APOOL: variants seen among roughly 807,000 people sequenced by gnomAD.
The protein encoded by APOOL is MICOS complex subunit MIC27.
In APOOL, 12 loss-of-function variants were observed where a neutral mutation model predicts 23.1. That is an observed-to-expected ratio of 0.52 (90% CI 0.33 to 0.84). The LOEUF is 0.84. Ranked by LOEUF, APOOL falls within the 40% of genes least tolerant of loss-of-function variation. APOOL has a pLI of 0.02. For synonymous variants in APOOL, 77 were observed against 69.9 expected (o/e 1.10, Z -0.51); for missense variants, 212 against 199.6 (o/e 1.06, Z -0.37).
chrX:85,057,970 A>G (rs1408624824), intron 5 of APOOL, among the ~76,000 whole-genome samples: 1 of 111,453 alleles, frequency 9.0e-6, no homozygotes, highest in Non-Finnish European at 1.9e-5. Context: ...TGTCAGAGCT[A>G]GAATAATCTA....
intron 3 of APOOL, 22 bp from the exon 4 acceptor site, chrX:85,054,321 TC>T: frequency 2.6e-6 from 3 of 1,169,612 alleles, no homozygotes; most frequent in Non-Finnish European, 3.4e-6. Flanking sequence ...GCAGATGTCT[TC>T]CCCCCCTTTT....
intron 8 of APOOL, among the ~76,000 whole-genome samples, chrX:85,075,928 A>G (rs1923822253): frequency 8.9e-6 from 1 of 111,826 alleles, no homozygotes; most frequent in South Asian, 3.8e-4. Context: ...TATAAACAAC[A>G]GAAATTTATT....
At position 85,092,370 on chromosome X, in the gene APOOL, T is replaced by A. The variant is rs1202554363; in HGVS notation, c.*4692T>A. ...TCAAATGTTGGAGGCTGTGTTGGGATGAGTTGTTACAAAGCCTCTTTCATT... is the reference window on the plus strand; with the variant it reads ...TCAAATGTTGGAGGCTGTGTTGGGAAGAGTTGTTACAAAGCCTCTTTCATT... On this transcript the variant is annotated 3_prime_UTR_variant, in exon 9 of 9. Transcript: ENST00000373173. 8.7e-7 allele frequency: 1 copy of A among 1,155,865 alleles called. No individual in the cohort carries two copies.
At position 85,074,288 on chromosome X, in the gene APOOL, C is replaced by G. The variant is rs374210132; in HGVS notation, c.615C>G (p.Ser205=). Residue 205 remains serine (S), a synonymous_variant, in exon 8 of 9, where the codon TCC becomes TCG. Transcript: ENST00000373173. ...TTGGTAAACAGCTAGGATCCTCTTC[C>G]GAAATAGAAGTACCTGCAAAAACAA... ...PKEKTKLGSS[S]EIEVPAKTTH... The G allele has an allele frequency of 2.8e-5, 34 of 1,208,743 alleles. No homozygotes were observed. Among genetic ancestry groups the G allele is most frequent in the Non-Finnish European group, 3.7e-5 (33 of 894,539 alleles).
rs1921940877 is a variant in APOOL, at chrX:85,028,995, A to G, written c.16-17451A>G. On this transcript the variant is annotated intron_variant, in intron 1 of 8. Coordinates refer to ENST00000373173, the MANE Select transcript of APOOL (RefSeq NM_198450.6). ...TATTGTGAACATTGCTGCAACAAAC[A>G]GAGTGCAGATATCTGTTGGCTATAC... Among the ~76,000 whole-genome samples the G allele has an allele frequency of 2.7e-5, 3 of 111,795 alleles. No individual in the cohort carries two copies. The South Asian group carries it at 1.1e-3, about 42-fold the overall frequency.
At chrX:85,081,945 G>C (rs1400922799) in intron 8 of APOOL, among the ~76,000 whole-genome samples, 1 of 111,794 alleles carries the variant, frequency 8.9e-6, no homozygotes, top group Non-Finnish European at 1.9e-5. Flanking sequence ...AGCTCCATCA[G>C]GTCATTTAAG....
chrX:85,016,085 T>C (rs1452209658), intron 1 of APOOL, among the ~76,000 whole-genome samples: 1 of 110,338 alleles, frequency 9.1e-6, no homozygotes, highest in Non-Finnish European at 1.9e-5. Flanking sequence ...TCTCATGGCA[T>C]ACAATTTATT....
chrX:85,025,209 T>G (rs1392379717), intron 1 of APOOL, among the ~76,000 whole-genome samples: 1 of 110,770 alleles, frequency 9.0e-6, no homozygotes, highest in Non-Finnish European at 1.9e-5. Context: ...CAGTTTTAAA[T>G]GACCAGGTCT....
chrX:85,020,823 A>T (rs773730194), intron 1 of APOOL, among the ~76,000 whole-genome samples: 1 of 111,753 alleles, frequency 8.9e-6, no homozygotes, highest in East Asian at 2.8e-4. Context: ...ATACAGCCTG[A>T]AAGCCCACCC....
At chrX:85,086,324 T>C (rs1364868910) in intron 8 of APOOL, among the ~76,000 whole-genome samples, 4 of 111,759 alleles carry the variant, frequency 3.6e-5, no homozygotes, top group Admixed American at 9.5e-5. Context: ...TCTTCTAATC[T>C]TAACCCAAAA....
chrX:85,030,944 A>T (rs766395848), intron 1 of APOOL, among the ~76,000 whole-genome samples: 1 of 111,610 alleles, frequency 9.0e-6, no homozygotes, highest in Admixed American at 9.5e-5. Flanking sequence ...TAATAAAATA[A>T]TTTTTCAGAG....
At chrX:85,039,340 A>G (rs372473467) in intron 1 of APOOL, among the ~76,000 whole-genome samples, 9 of 110,242 alleles carry the variant, frequency 8.2e-5, no homozygotes, top group East Asian at 2.8e-4. Context: ...TGTGTGGTCA[A>G]TTTTAGAGTA....
At chrX:85,078,222 A>G (rs1178302294) in intron 8 of APOOL, among the ~76,000 whole-genome samples, 2 of 111,832 alleles carry the variant, frequency 1.8e-5, no homozygotes, top group East Asian at 5.6e-4. Flanking sequence ...TATGGTTTTA[A>G]GTCTAACATT....
chrX:85,025,312 G>C (rs755465056), intron 1 of APOOL, among the ~76,000 whole-genome samples: 1 of 111,932 alleles, frequency 8.9e-6, no homozygotes, highest in South Asian at 3.8e-4. Flanking sequence ...CTCGCATTCA[G>C]CATTGGGGAT....
chrX:85,065,930 T>TA (rs1009230338), intron 5 of APOOL, among the ~76,000 whole-genome samples: 1 of 111,305 alleles, frequency 9.0e-6, no homozygotes, highest in Non-Finnish European at 1.9e-5. Flanking sequence ...AGTCTAAATC[T>TA]AAAGAAAAGC....
At position 85,054,407 on chromosome X, in the gene APOOL, G is replaced by A. The variant is rs1411882178; in HGVS notation, c.295+9G>A. The A allele has an allele frequency of 2.6e-6, 3 of 1,155,698 alleles. No homozygotes were observed. Among genetic ancestry groups the A allele is most frequent in the Non-Finnish European group, 3.5e-6 (3 of 860,283 alleles). On this transcript the variant is annotated intron_variant, in intron 4 of 8. Coordinates refer to ENST00000373173, the MANE Select transcript of APOOL (RefSeq NM_198450.6). ...AGTACAATTTGGAAAAGGTAGGTGAGTAGATAATTAGAAATGTTTTATTGT... is the reference window on the plus strand; with the variant it reads ...AGTACAATTTGGAAAAGGTAGGTGAATAGATAATTAGAAATGTTTTATTGT...
In APOOL at chrX:85,035,342, G is replaced by A. The variant is rs574230974; in HGVS notation, c.16-11104G>A. Among the ~76,000 whole-genome samples, 13 of 110,979 alleles carry A rather than the reference G, an allele frequency of 1.2e-4. No individual in the cohort carries two copies. The South Asian group carries it at 3.0e-3, about 26-fold the overall frequency. On this transcript the variant is annotated intron_variant, in intron 1 of 8. Transcript: ENST00000373173. ...GCTTGTTCGATTGTCTAAGTTTTGC[G>A]TAGATTCTGGATATGAGACCTTTTT...
intron 4 of APOOL, among the ~76,000 whole-genome samples, chrX:85,055,174 C>T (rs968741360): frequency 5.4e-5 from 6 of 111,479 alleles, no homozygotes; most frequent in Non-Finnish European, 1.1e-4. Flanking sequence ...CCTCATCAAT[C>T]ATGAGGAATA....
At chrX:85,051,121 C>T (rs1922753286) in intron 2 of APOOL, among the ~76,000 whole-genome samples, 1 of 111,235 alleles carries the variant, frequency 9.0e-6, no homozygotes, top group Admixed American at 9.6e-5. Flanking sequence ...TCTGGGTGTG[C>T]AAAGACAGTA....
Sources: allele counts gnomAD v4.1 joint callset (sites outside exome capture counted in the v4.1 genomes callset), GRCh38; gene constraint gnomAD v4.1.1; transcripts MANE v1.5; gene names NCBI Gene and HGNC (gene_info 2026-07-23, HGNC 2026-07-21).